ACSBG2: variants seen among roughly 807,000 people sequenced by gnomAD.
The protein encoded by ACSBG2 is long-chain-fatty-acid--CoA ligase ACSBG2.
In ACSBG2, 62 loss-of-function variants were observed where a neutral mutation model predicts 74.7. The ratio of observed to expected loss-of-function variants is 0.83; its 90% CI spans 0.68 to 1.03. ACSBG2 has a LOEUF of 1.03. Ranked by LOEUF, ACSBG2 falls within the 50% of genes least tolerant of loss-of-function variation. ACSBG2 has a pLI of 0.00. For synonymous variants in ACSBG2, 309 were observed against 294.1 expected (o/e 1.05, Z -0.52); for missense variants, 730 against 817.6 (o/e 0.89, Z 1.31).
At position 6,165,904 on chromosome 19, in the gene ACSBG2, C is replaced by A. The variant is rs758901982; in HGVS notation, c.627C>A (p.Asp209Glu). ...TGGAACTTGGCAGAAGTATCCCTGA[C>A]ACCCAACTGGAGCAGGTCATCGAGA... ...DFMELGRSIPDTQLEQVIESQ... is the reference protein window; with the variant it reads ...DFMELGRSIPETQLEQVIESQ... Residue 209 changes from aspartate to glutamate, a missense_variant, in exon 7 of 15, where the codon GAC (aspartate) becomes GAA (glutamate). Physicochemically the swap from Asp to Glu is conservative, Grantham distance 45. Transcript: ENST00000588485. 2.5e-6 allele frequency: 4 copies of A among 1,614,074 alleles called. No individual in the cohort carries two copies. The highest frequency in any genetic ancestry group is 3.4e-6 in the Non-Finnish European group (4 of 1,180,026).
In ACSBG2 at chr19:6,135,865, G is replaced by A. The variant is rs913483058; in HGVS notation, c.-76G>A. ...GAGTGACCAGATGTCCCAGCTCCAG[G>A]TGCCTTGCCAGATGGCCAGAACCAC... On this transcript the variant is annotated 5_prime_UTR_variant, in exon 1 of 15. It adds an upstream start codon to the 5' untranslated region. Coordinates refer to ENST00000588485, the MANE Select transcript of ACSBG2 (RefSeq NM_030924.5). The A allele has an allele frequency of 6.6e-6, 1 of 152,340 alleles. No homozygotes were observed. Among genetic ancestry groups the A allele is most frequent in the Non-Finnish European group, 1.5e-5 (1 of 68,164 alleles). The allele number at this position is 152,340 out of a possible 1,614,324, so 9.4% of individuals were successfully genotyped here.
At chr19:6,184,947 G>C (rs1189780617) in intron 10 of ACSBG2, among the ~76,000 whole-genome samples, 1 of 148,572 alleles carries the variant, frequency 6.7e-6, no homozygotes, top group Non-Finnish European at 1.5e-5. Context: ...TTTTGAGACA[G>C]AGTCTTGCTC....
chr19:6,174,582 G>A lies in ACSBG2; in HGVS notation c.739-2647G>A, dbSNP rs573043621. ...CCAGCACTTTGGGAGGCCGAGACAG[G>A]AGGATTGCTTGAAGCCAGGATTGTT... is the stretch of plus-strand genomic sequence containing the variant. On this transcript the variant is annotated intron_variant, in intron 7 of 14. Transcript: ENST00000588485. This position sits in a 1 kb window ranked among gnomAD's most constrained non-coding sequence, Gnocchi z 4.2. Among the ~76,000 whole-genome samples, 4 of 152,232 alleles carry A rather than the reference G, an allele frequency of 2.6e-5. No homozygotes were observed. Among genetic ancestry groups the A allele is most frequent in the Non-Finnish European group, 5.9e-5 (4 of 68,036 alleles).
At chr19:6,142,553 C>A (rs994331578) in intron 2 of ACSBG2, among the ~76,000 whole-genome samples, 1 of 151,992 alleles carries the variant, frequency 6.6e-6, no homozygotes, top group Non-Finnish European at 1.5e-5. Flanking sequence ...GAGATCGAGA[C>A]CATCCTGACT....
chr19:6,160,164 G>A (rs930128923), intron 5 of ACSBG2, among the ~76,000 whole-genome samples: 3 of 152,056 alleles, frequency 2.0e-5, no homozygotes, highest in African/African-American at 7.2e-5. Flanking sequence ...GCTGAGGTGG[G>A]CGGATCACGA....
chr19:6,176,814 T>C (rs878896348), intron 7 of ACSBG2, among the ~76,000 whole-genome samples: 1 of 152,116 alleles, frequency 6.6e-6, no homozygotes, highest in Non-Finnish European at 1.5e-5. Context: ...AGTAGGTGCT[T>C]TATAAGTGTT....
At chr19:6,181,326 G>C (rs2090247366) in intron 8 of ACSBG2, among the ~76,000 whole-genome samples, 1 of 139,806 alleles carries the variant, frequency 7.2e-6, no homozygotes, top group Non-Finnish European at 1.5e-5. Context: ...GAAGGAGGGA[G>C]GAAAAAAGAG....
At chr19:6,163,523 C>T (rs370672420) in intron 6 of ACSBG2, among the ~76,000 whole-genome samples, 2 of 149,704 alleles carry the variant, frequency 1.3e-5, no homozygotes, top group East Asian at 3.9e-4. Context: ...GGTGGATAAC[C>T]TGAGGTCAGG....
intron 4 of ACSBG2, among the ~76,000 whole-genome samples, chr19:6,152,923 C>T (rs921316594): frequency 3.9e-5 from 6 of 152,120 alleles, no homozygotes; most frequent in African/African-American, 1.2e-4. Context: ...AATCTTTATA[C>T]ACTGTATGGT....
chr19:6,161,872 T>TA lies in ACSBG2; in HGVS notation c.588+585dup, dbSNP rs377181562. On this transcript the variant is annotated intron_variant, in intron 6 of 14. Coordinates refer to ENST00000588485, the MANE Select transcript of ACSBG2 (RefSeq NM_030924.5). ...ACAAATCACCACCAAAACTGGTGGC[T>TA]AAAAAAAATCAGTCATTTTGTTATT... Among the ~76,000 whole-genome samples the TA allele has an allele frequency of 1.8e-3, 270 of 151,952 alleles. 1 individual carries two copies. Among genetic ancestry groups the TA allele is most frequent in the African/African-American group, 5.9e-3 (245 of 41,470 alleles).
intron 13 of ACSBG2, among the ~76,000 whole-genome samples, chr19:6,188,542 G>T (rs766772220): frequency 1.3e-5 from 2 of 152,148 alleles, no homozygotes; most frequent in Admixed American, 1.3e-4. Flanking sequence ...TGAGAGGATC[G>T]CTTGAGCCCA....
At chr19:6,188,851 G>C (rs777513746) in intron 13 of ACSBG2, among the ~76,000 whole-genome samples, 4 of 152,126 alleles carry the variant, frequency 2.6e-5, no homozygotes, top group Non-Finnish European at 5.9e-5. Context: ...TGGTAAGTCA[G>C]CTCCCGTGGG....
chr19:6,174,018 C>A lies in ACSBG2; in HGVS notation c.739-3211C>A, dbSNP rs111843531. Among the ~76,000 whole-genome samples, 10,740 of 151,146 alleles carry A rather than the reference C, an allele frequency of 0.071. 690 individuals are homozygous for A. The highest frequency in any genetic ancestry group is 0.18 in the African/African-American group (7,243 of 40,986). On this transcript the variant is annotated intron_variant, in intron 7 of 14. Coordinates refer to ENST00000588485, the MANE Select transcript of ACSBG2 (RefSeq NM_030924.5). The surrounding 1 kb of genome is among the most constrained non-coding windows in gnomAD (Gnocchi z 4.2). ...GTGGCACAATCTCGACTCACTGCAA[C>A]CTCTGCCTCCCAATTTCAAGCGATT... is the stretch of plus-strand genomic sequence containing the variant.
intron 10 of ACSBG2, 23 bp downstream of exon 10, chr19:6,183,295 C>A: frequency 1.2e-6 from 2 of 1,601,090 alleles, no homozygotes; most frequent in Non-Finnish European, 1.7e-6. Context: ...GGGGCAGACC[C>A]CTGCTCCTCC....
At chr19:6,167,908 G>A (rs956943562) in intron 7 of ACSBG2, among the ~76,000 whole-genome samples, 2 of 151,942 alleles carry the variant, frequency 1.3e-5, no homozygotes, top group Admixed American at 6.6e-5. Context: ...CTCCATCATC[G>A]CTCCCCTGGA....
Position 6,165,825 on chromosome 19 carries a change from C to T in ACSBG2, c.589-41C>T, listed in dbSNP as rs553494224. The T allele has an allele frequency of 5.6e-6, 9 of 1,609,946 alleles. No individual in the cohort carries two copies. In the East Asian group the frequency reaches 8.9e-5, roughly 16 times the overall value. On this transcript the variant is annotated intron_variant, in intron 6 of 14. Coordinates refer to ENST00000588485, the MANE Select transcript of ACSBG2 (RefSeq NM_030924.5). ...AGGTCTGGCTGGGTGAGAGGACTCC[C>T]GACTGCCTTCTCATCCTCCGCTTGT...
chr19:6,137,221 G>T (rs1001669328), intron 1 of ACSBG2: 4 of 143,080 alleles, frequency 2.8e-5, no homozygotes, highest in East Asian at 2.3e-4. Context: ...GGGGGGGGGG[G>T]GGGGCTTGCT....
At chr19:6,141,461 C>G (rs1243211599) in intron 1 of ACSBG2, 52 bp from the exon 2 acceptor site, 21 of 901,390 alleles carry the variant, frequency 2.3e-5, no homozygotes, top group Non-Finnish European at 3.7e-5. Flanking sequence ...TGGCCTCATC[C>G]CTACAGCCCC....
At position 6,177,387 on chromosome 19, in the gene ACSBG2, T is replaced by G; in HGVS notation, c.897T>G (p.Asp299Glu). ...CGCTCACATACTTTGCTCAAGCAGATGCTCTCAAGGTAAGATTGAGTAAGG... is the reference window on the plus strand; with the variant it reads ...CGCTCACATACTTTGCTCAAGCAGAGGCTCTCAAGGTAAGATTGAGTAAGG... ...IGALTYFAQA[D>E]ALKGTLVSTL... The change falls in exon 8 of 15, where the codon GAT becomes GAG. Residue 299 changes from aspartate (D) to glutamate (E), a missense_variant. Transcript: ENST00000588485. 6.3e-7 allele frequency: 1 copy of G among 1,599,654 alleles called. No homozygotes were observed. The highest frequency in any genetic ancestry group is 8.5e-7 in the Non-Finnish European group (1 of 1,173,294).
Sources: gnomAD v4.1 joint callset for allele counts (sites outside exome capture counted in the v4.1 genomes callset) on GRCh38, gnomAD v4.1.1 for gene constraint, Gnocchi (gnomAD v3.1) non-coding constraint, MANE v1.5 for transcripts, NCBI Gene and HGNC (gene_info 2026-07-23, HGNC 2026-07-21) for gene names.